ASAP1: variants seen among roughly 807,000 people sequenced by gnomAD.
ASAP1 encodes the protein arf-GAP with SH3 domain, ANK repeat and PH domain-containing protein 1.
ASAP1 carries 43 observed loss-of-function variants against 145.2 expected under a neutral mutation model. That is an observed-to-expected ratio of 0.30 (90% CI 0.23 to 0.38). ASAP1 has a LOEUF of 0.38. Among genes scored for constraint, ASAP1 ranks in the 10% least tolerant of loss-of-function variants. The pLI is 1.00. For missense variants in ASAP1, 1,018 were observed against 1,355.3 expected (o/e 0.75, Z 3.91); for synonymous variants, 546 against 515.5 (o/e 1.06, Z -0.80).
chr8:130,325,819 T>A (rs1824289333), intron 3 of ASAP1, among the ~76,000 whole-genome samples: 1 of 152,134 alleles, frequency 6.6e-6, no homozygotes, highest in Admixed American at 6.5e-5. Context: ...ATATTGTGGA[T>A]GACAAAACCA....
At chr8:130,251,778 G>A (rs1819213429) in intron 3 of ASAP1, among the ~76,000 whole-genome samples, 1 of 152,154 alleles carries the variant, frequency 6.6e-6, no homozygotes, top group African/African-American at 2.4e-5. Flanking sequence ...ACATATGCAA[G>A]TAATTTCAAT....
chr8:130,329,055 A>G (rs1824519311), intron 3 of ASAP1, among the ~76,000 whole-genome samples: 1 of 152,212 alleles, frequency 6.6e-6, no homozygotes, highest in Admixed American at 6.5e-5. Flanking sequence ...TTTGTTCCCC[A>G]GAGGCACTTC....
chr8:130,212,955 TC>T (rs541295750), intron 5 of ASAP1, among the ~76,000 whole-genome samples: 117 of 152,278 alleles, frequency 7.7e-4, no homozygotes, highest in Non-Finnish European at 1.2e-3. Context: ...AGAAAACAGA[TC>T]TTCCTGCCCA....
At chr8:130,160,810 C>T in intron 11 of ASAP1, 1 of 1,280,648 alleles carries the variant, frequency 7.8e-7, no homozygotes, top group Non-Finnish European at 1.0e-6. Flanking sequence ...TCAGGAAGGG[C>T]AAAAGAAACA....
At chr8:130,295,640 A>T (rs933133266) in intron 3 of ASAP1, among the ~76,000 whole-genome samples, 3 of 152,230 alleles carry the variant, frequency 2.0e-5, no homozygotes, top group African/African-American at 7.2e-5. Flanking sequence ...ACCCAGGAGC[A>T]GAAAAGCTTT....
chr8:130,080,053 G>A (rs1389502396), intron 25 of ASAP1, 82 bp from the exon 26 acceptor site: 2 of 1,269,838 alleles, frequency 1.6e-6, no homozygotes, highest in African/African-American at 3.0e-5. Flanking sequence ...CCTGTAGACA[G>A]GCATTGCTCA....
At chr8:130,308,644 T>G (rs1195461008) in intron 3 of ASAP1, among the ~76,000 whole-genome samples, 1 of 152,222 alleles carries the variant, frequency 6.6e-6, no homozygotes, top group Admixed American at 6.5e-5. Flanking sequence ...TAAAGTTTTT[T>G]CAACAATAGA....
At chr8:130,185,529 C>G (rs1814656337) in intron 7 of ASAP1, among the ~76,000 whole-genome samples, 1 of 151,954 alleles carries the variant, frequency 6.6e-6, no homozygotes, top group African/African-American at 2.4e-5. Context: ...GAGTTAGAGA[C>G]CAGCCTGGCC....
intron 1 of ASAP1, among the ~76,000 whole-genome samples, chr8:130,402,979 G>A (rs1828865506): frequency 6.6e-6 from 1 of 151,182 alleles, no homozygotes; most frequent in African/African-American, 2.4e-5. Flanking sequence ...AAACAGAGAA[G>A]TGTATCATAT....
chr8:130,111,971 C>T (rs964953156), intron 24 of ASAP1, 123 bp downstream of exon 24: 13 of 937,442 alleles, frequency 1.4e-5, no homozygotes, highest in Admixed American at 4.5e-5. Flanking sequence ...CCTGACAACA[C>T]GATCCGCGCC....
intron 1 of ASAP1, among the ~76,000 whole-genome samples, chr8:130,403,522 C>T (rs1380125827): frequency 2.6e-5 from 4 of 151,246 alleles, no homozygotes; most frequent in Admixed American, 1.3e-4. Flanking sequence ...AGGCACAATG[C>T]TGTAGCCATA....
Position 130,229,450 on chromosome 8 carries a change from A to G in ASAP1, c.259+7472T>C, listed in dbSNP as rs567590337. The stretch of plus-strand genomic sequence containing the variant: ...GAATGAGGAAAATGCATTTTGAAAT[A>G]GGAGGCAGCAAGATATAGGTAAAGC... On this transcript the variant is annotated intron_variant, in intron 4 of 29. Coordinates refer to ENST00000518721, the MANE Select transcript of ASAP1 (RefSeq NM_018482.4). 8.1e-4 allele frequency among the ~76,000 whole-genome samples: 123 copies of G among 152,362 alleles called. 1 individual carries two copies. The highest frequency in any genetic ancestry group is 2.6e-3 in the African/African-American group (110 of 41,600).
intron 1 of ASAP1, among the ~76,000 whole-genome samples, chr8:130,411,991 G>A (rs1259293090): frequency 1.3e-5 from 2 of 152,164 alleles, no homozygotes; most frequent in Non-Finnish European, 2.9e-5. Context: ...TCCCTCGCAG[G>A]AAGCCCCCAT....
At chr8:130,056,774 GTCCC>G (rs988506302) in intron 29 of ASAP1, among the ~76,000 whole-genome samples, 148 of 152,374 alleles carry the variant, frequency 9.7e-4, no homozygotes, top group African/African-American at 3.4e-3. Flanking sequence ...ACAGAACTGA[GTCCC>G]TCTTGGCAGG....
intron 1 of ASAP1, among the ~76,000 whole-genome samples, 154 bp from the exon 2 acceptor site, chr8:130,402,124 A>G (rs1828824706): frequency 6.6e-6 from 1 of 152,220 alleles, no homozygotes; most frequent in Non-Finnish European, 1.5e-5. Flanking sequence ...AATATGAAGG[A>G]AACTACTATT....
intron 3 of ASAP1, among the ~76,000 whole-genome samples, chr8:130,339,170 T>C (rs1413144754): frequency 2.0e-5 from 3 of 152,204 alleles, no homozygotes; most frequent in Non-Finnish European, 4.4e-5. Context: ...ACACGAATCA[T>C]CTCACCTGGA....
At chr8:130,428,817 T>C (rs1303089862) in intron 1 of ASAP1, among the ~76,000 whole-genome samples, 1 of 152,132 alleles carries the variant, frequency 6.6e-6, no homozygotes, top group Non-Finnish European at 1.5e-5. Flanking sequence ...ACCACCACCA[T>C]CATTATCATT....
intron 22 of ASAP1, among the ~76,000 whole-genome samples, chr8:130,116,253 A>G (rs2097555720): frequency 6.6e-6 from 1 of 152,252 alleles, no homozygotes; most frequent in South Asian, 2.1e-4. Context: ...GGGTCAAAAA[A>G]GGTGAATGTG....
chr8:130,103,414 C>A (rs564884055), intron 24 of ASAP1, among the ~76,000 whole-genome samples: 1 of 151,964 alleles, frequency 6.6e-6, no homozygotes, highest in East Asian at 1.9e-4. Flanking sequence ...CTGCTCTGAT[C>A]TTTTTTCTTT....
Sources: gnomAD v4.1 joint callset for allele counts (sites outside exome capture counted in the v4.1 genomes callset) on GRCh38, gnomAD v4.1.1 for gene constraint, MANE v1.5 for transcripts, NCBI Gene and HGNC (gene_info 2026-07-23, HGNC 2026-07-21) for gene names.